Variants in RBFOX1 observed in about 807,000 individuals in gnomAD.
RBFOX1 encodes the protein RNA binding fox-1 homolog 1.
RBFOX1 carries 8 observed loss-of-function variants against 57.7 expected under a neutral mutation model. That is an observed-to-expected ratio of 0.14 (90% confidence interval 0.08 to 0.25). The LOEUF (loss-of-function observed/expected upper bound fraction) is 0.25. Ranked by LOEUF, RBFOX1 falls within the 10% of genes least tolerant of loss-of-function variation. RBFOX1 has a pLI of 1.00. For synonymous variants in RBFOX1, 326 were observed against 222.4 expected (o/e 1.47, Z -4.15); for missense variants, 611 against 548.5 (o/e 1.11, Z -1.14).
intron 1 of RBFOX1, among the ~76,000 whole-genome samples, chr16:6,276,600 C>G (rs551591278): frequency 6.6e-6 from 1 of 152,156 alleles, no homozygotes; most frequent in African/African-American, 2.4e-5. Flanking sequence ...ACCTTGGCCT[C>G]CAAAAGTGCT....
chr16:6,829,118 A>C (rs2092479114), intron 3 of RBFOX1, among the ~76,000 whole-genome samples: 1 of 152,156 alleles, frequency 6.6e-6, no homozygotes, highest in African/African-American at 2.4e-5. Context: ...GTATCAGTAG[A>C]GTCCCTATAG....
At chr16:6,926,078 G>C (rs567822218) in intron 3 of RBFOX1, among the ~76,000 whole-genome samples, 2 of 152,046 alleles carry the variant, frequency 1.3e-5, no homozygotes, top group African/African-American at 4.8e-5. Context: ...GGCCGAGGTG[G>C]GTTGATCACT....
At chr16:6,624,114 G>A (rs529713150) in intron 2 of RBFOX1, among the ~76,000 whole-genome samples, 8 of 152,142 alleles carry the variant, frequency 5.3e-5, no homozygotes, top group African/African-American at 1.4e-4. Context: ...AGGGAGATAC[G>A]GACAACACTG....
intron 1 of RBFOX1, among the ~76,000 whole-genome samples, chr16:5,425,875 A>G (rs2067544193): frequency 1.3e-5 from 2 of 152,132 alleles, no homozygotes; most frequent in African/African-American, 4.8e-5. Flanking sequence ...TCCTGGTAGA[A>G]CCCCAAACGT....
chr16:5,563,397 A>G (rs1205312440), intron 2 of RBFOX1, among the ~76,000 whole-genome samples: 1 of 152,228 alleles, frequency 6.6e-6, no homozygotes, highest in East Asian at 1.9e-4. Context: ...TGCTGATGGT[A>G]TCGTTATCTA....
chr16:5,587,737 T>C (rs1596354075), intron 2 of RBFOX1, among the ~76,000 whole-genome samples: 1 of 152,046 alleles, frequency 6.6e-6, no homozygotes, highest in Admixed American at 6.6e-5. Context: ...ATTTTAAGTA[T>C]TGATGAGAAT....
intron 3 of RBFOX1, among the ~76,000 whole-genome samples, chr16:5,619,881 A>G (rs756670001): frequency 4.6e-5 from 7 of 152,130 alleles, no homozygotes; most frequent in Non-Finnish European, 1.0e-4. Context: ...CTGGTGGCCT[A>G]AGACTTTAAA....
chr16:6,050,992 C>G (rs2095546362), intron 1 of RBFOX1, among the ~76,000 whole-genome samples: 1 of 147,378 alleles, frequency 6.8e-6, no homozygotes, highest in African/African-American at 2.5e-5. Context: ...GGCTTTCTTA[C>G]TATCTAGTAT....
chr16:5,606,404 A>T (rs1317349891), intron 3 of RBFOX1, among the ~76,000 whole-genome samples: 1 of 151,558 alleles, frequency 6.6e-6, no homozygotes, highest in African/African-American at 2.4e-5. Context: ...TTCCTAAGTC[A>T]CTCTGGTTGT....
intron 3 of RBFOX1, among the ~76,000 whole-genome samples, chr16:6,874,703 C>T (rs553240799): frequency 1.1e-4 from 16 of 151,696 alleles, no homozygotes; most frequent in African/African-American, 3.6e-4. Context: ...CATATTCTCG[C>T]TTATAAGTGG....
chr16:5,287,866 G>T (rs1294984686), intron 1 of RBFOX1, among the ~76,000 whole-genome samples: 1 of 152,216 alleles, frequency 6.6e-6, no homozygotes, highest in Non-Finnish European at 1.5e-5. Context: ...GAGACAAATG[G>T]CAGAGTCTTG....
At chr16:7,702,604 G>A (rs2081118704) in intron 14 of RBFOX1, among the ~76,000 whole-genome samples, 1 of 152,208 alleles carries the variant, frequency 6.6e-6, no homozygotes, top group Non-Finnish European at 1.5e-5. Flanking sequence ...CAGTGCTGCA[G>A]AACTCAGAAG....
At chr16:6,721,194 G>T (rs569168188) in intron 3 of RBFOX1, among the ~76,000 whole-genome samples, 1 of 152,302 alleles carries the variant, frequency 6.6e-6, no homozygotes, top group South Asian at 2.1e-4. Context: ...TATAATCCCA[G>T]TACTTTGGAA....
chr16:6,585,816 G>T, intron 2 of RBFOX1, among the ~76,000 whole-genome samples: 1 of 152,038 alleles, frequency 6.6e-6, no homozygotes. Context: ...TTGACAATTT[G>T]TGTAGGGGTC....
intron 2 of RBFOX1, among the ~76,000 whole-genome samples, chr16:5,560,020 G>C (rs557247971): frequency 6.6e-6 from 1 of 152,146 alleles, no homozygotes; most frequent in African/African-American, 2.4e-5. Context: ...AGTGAATTTA[G>C]TTCTCTTGTC....
At chr16:7,592,486 T>TGTGGTACC (rs1244436185) in intron 7 of RBFOX1, among the ~76,000 whole-genome samples, 1 of 152,180 alleles carries the variant, frequency 6.6e-6, no homozygotes, top group East Asian at 1.9e-4. Context: ...GGCTGTGTTC[T>TGTGGTACC]TCCCAGTGCT....
chr16:5,549,239 G>A (rs1289026910), intron 2 of RBFOX1, among the ~76,000 whole-genome samples: 1 of 152,194 alleles, frequency 6.6e-6, no homozygotes, highest in African/African-American at 2.4e-5. Flanking sequence ...ATCTGGGAGA[G>A]CCTGGGAGCC....
chr16:7,536,745 C>T (rs1175475075), intron 5 of RBFOX1, among the ~76,000 whole-genome samples: 3 of 152,326 alleles, frequency 2.0e-5, no homozygotes, highest in East Asian at 1.9e-4. Context: ...TTGTATATGT[C>T]TCTTTCCAAC....
chr16:5,668,235 C>T (rs573052311), intron 3 of RBFOX1, among the ~76,000 whole-genome samples: 1 of 152,236 alleles, frequency 6.6e-6, no homozygotes, highest in South Asian at 2.1e-4. Context: ...GAGCTGAGAT[C>T]ATACCACTGC....
Sources: gnomAD v4.1 joint callset for allele counts (sites outside exome capture counted in the v4.1 genomes callset) on GRCh38, gnomAD v4.1.1 for gene constraint, MANE v1.5 for transcripts, NCBI Gene and HGNC (gene_info 2026-07-23, HGNC 2026-07-21) for gene names.